The following TENM3 variants were observed in gnomAD, a reference collection of about 807,000 sequenced individuals.
The protein encoded by TENM3 is teneurin-3.
A neutral mutation model predicts 255.1 loss-of-function variants in TENM3; 63 were observed. The observed-to-expected ratio is 0.25, with a 90% CI of 0.20 to 0.30. The LOEUF is 0.30. Among genes scored for constraint, TENM3 ranks in the 10% least tolerant of loss-of-function variants. TENM3 has a pLI of 1.00. For missense variants in TENM3, 2,929 were observed against 3,461.1 expected, an observed-to-expected ratio of 0.85 and a Z score of 3.86; for synonymous variants, 1,306 against 1,322.3, an observed-to-expected ratio of 0.99 and a Z score of 0.27.
chr4:182,680,367 T>C lies in TENM3; in HGVS notation c.1639+18T>C. On this transcript the variant is annotated intron_variant, in intron 9 of 27. Transcript: ENST00000511685. Reference sequence around the variant, plus strand: ...TTCAAGAGGTATGCAAGTTAGATTCTTCTCTTAAGCCGATATAAATAAGCT... The same window carrying C: ...TTCAAGAGGTATGCAAGTTAGATTCCTCTCTTAAGCCGATATAAATAAGCT... 6.3e-7 allele frequency: 1 copy of C among 1,589,504 alleles called. No individual in the cohort carries two copies. Among genetic ancestry groups the C allele is most frequent in the Non-Finnish European group, 8.6e-7 (1 of 1,159,832 alleles).
chr4:182,396,104 G>C (rs1265592486), intron 3 of TENM3, among the ~76,000 whole-genome samples: 1 of 151,976 alleles, frequency 6.6e-6, no homozygotes, highest in Non-Finnish European at 1.5e-5. Context: ...TTTCAGCTTT[G>C]AGACTCAGGG....
At chr4:182,241,845 C>T (rs965791204), upstream of TENM3, among the ~76,000 whole-genome samples, 1 of 151,958 alleles carries the variant, frequency 6.6e-6, no homozygotes, top group African/African-American at 2.4e-5. Context: ...GTAAAATGCA[C>T]AAGGCTTGAC....
At chr4:181,992,955 G>T in the TENM3 span, among the ~76,000 whole-genome samples, 2 of 152,024 alleles carry the variant, frequency 1.3e-5, no homozygotes, top group African/African-American at 4.8e-5. Context: ...CTATAAATTA[G>T]TACTACTGTC....
At chr4:182,513,292 A>C (rs1737598221) in intron 3 of TENM3, among the ~76,000 whole-genome samples, 1 of 152,242 alleles carries the variant, frequency 6.6e-6, no homozygotes, top group Non-Finnish European at 1.5e-5. Flanking sequence ...CATAAAATAC[A>C]AAACAGCTAC....
intron 1 of TENM3, among the ~76,000 whole-genome samples, chr4:182,230,854 A>ATC (rs1554035447): frequency 4.8e-5 from 6 of 123,902 alleles, no homozygotes; most frequent in African/African-American, 1.8e-4. Context: ...ATATATATAT[A>ATC]TATCCCCCTT....
intron 16 of TENM3, among the ~76,000 whole-genome samples, chr4:182,735,643 T>G (rs368032815): frequency 2.6e-5 from 4 of 152,326 alleles, no homozygotes; most frequent in East Asian, 1.9e-4. Context: ...GAGTACTGTT[T>G]AATTCTTCGT....
intron 6 of TENM3, 81 bp from the exon 7 acceptor site, chr4:182,672,924 T>C (rs1755336604): frequency 1.8e-6 from 2 of 1,084,302 alleles, no homozygotes; most frequent in Non-Finnish European, 2.6e-6. Context: ...AAAAATAACT[T>C]TTTCAAAAAG....
At chr4:182,760,736 C>T (rs1321585089) in intron 22 of TENM3, among the ~76,000 whole-genome samples, 1 of 152,094 alleles carries the variant, frequency 6.6e-6, no homozygotes, top group Non-Finnish European at 1.5e-5. Context: ...TCAAGCTTTT[C>T]AATTTCAGAA....
chr4:182,594,896 T>G (rs2152396876), intron 3 of TENM3, among the ~76,000 whole-genome samples: 1 of 151,942 alleles, frequency 6.6e-6, no homozygotes, highest in Admixed American at 6.6e-5. Flanking sequence ...ATTTTTGTAT[T>G]CAGTAGAGGT....
intron 3 of TENM3, among the ~76,000 whole-genome samples, chr4:182,592,513 G>A (rs1345868157): frequency 6.6e-6 from 1 of 152,118 alleles, no homozygotes; most frequent in African/African-American, 2.4e-5. Flanking sequence ...CACCTGAGGT[G>A]AGGAGTTCAA....
intron 4 of TENM3, among the ~76,000 whole-genome samples, chr4:182,609,203 C>T (rs943530330): frequency 1.3e-5 from 2 of 152,184 alleles, no homozygotes; most frequent in African/African-American, 2.4e-5. Context: ...ATGCAGTCTA[C>T]CCACCTGGGC....
At chr4:181,544,734 T>C in the TENM3 span, among the ~76,000 whole-genome samples, 2 of 152,248 alleles carry the variant, frequency 1.3e-5, no homozygotes, top group Non-Finnish European at 2.9e-5. Flanking sequence ...TTCAGACAGA[T>C]AATTGAGAAT....
chr4:182,258,688 T>TA (rs1459886081), intron 1 of TENM3, among the ~76,000 whole-genome samples: 2 of 152,228 alleles, frequency 1.3e-5, no homozygotes, highest in Non-Finnish European at 2.9e-5. Flanking sequence ...TCCCACAATG[T>TA]AAAAAGCAAA....
At chr4:181,752,698 G>C in the TENM3 span, among the ~76,000 whole-genome samples, 1 of 151,890 alleles carries the variant, frequency 6.6e-6, no homozygotes. Flanking sequence ...TCAAACCCCT[G>C]CCGCAGACAG....
chr4:182,007,646 C>T, the TENM3 span, among the ~76,000 whole-genome samples: 1 of 152,170 alleles, frequency 6.6e-6, no homozygotes, highest in Non-Finnish European at 1.5e-5. Flanking sequence ...CTCCTAGATA[C>T]AGCGCACCAA....
chr4:182,574,559 G>A (rs1158446602), intron 3 of TENM3, among the ~76,000 whole-genome samples: 1 of 152,056 alleles, frequency 6.6e-6, no homozygotes, highest in Non-Finnish European at 1.5e-5. Flanking sequence ...TAGGTTTTAT[G>A]TATTATGTAT....
At chr4:182,324,929 T>C (rs935356596) in intron 2 of TENM3, among the ~76,000 whole-genome samples, 1 of 152,236 alleles carries the variant, frequency 6.6e-6, no homozygotes, top group African/African-American at 2.4e-5. Flanking sequence ...AGTGGAATCA[T>C]GACTCCTGTA....
chr4:181,535,938 T>C, the TENM3 span, among the ~76,000 whole-genome samples: 22,960 of 152,048 alleles, frequency 0.15, 2,009 homozygotes, highest in Middle Eastern at 0.26. Context: ...TGAGAGGTAT[T>C]TTCTCCTATA....
chr4:182,442,666 A>G (rs1772580871), intron 3 of TENM3, among the ~76,000 whole-genome samples: 1 of 152,000 alleles, frequency 6.6e-6, no homozygotes, highest in South Asian at 2.1e-4. Context: ...ATCATGGCTC[A>G]CTGCAACCTC....
Sources: gnomAD v4.1 joint callset for allele counts (sites outside exome capture counted in the v4.1 genomes callset) on GRCh38, gnomAD v4.1.1 for gene constraint, MANE v1.5 for transcripts, NCBI Gene and HGNC (gene_info 2026-07-23, HGNC 2026-07-21) for gene names.